SLC35H1: variants seen among roughly 807,000 people sequenced by gnomAD.
The protein encoded by SLC35H1 is solute carrier family 35 member H1.
the SLC35H1 span, among the ~76,000 whole-genome samples, chr20:46,363,326 A>G: frequency 6.6e-6 from 1 of 152,194 alleles, no homozygotes; most frequent in Non-Finnish European, 1.5e-5. Context: ...AATGATTTCT[A>G]AATTCTTTAC....
At chr20:46,353,031 A>T in the SLC35H1 span, 1 of 152,194 alleles carries the variant, frequency 6.6e-6, no homozygotes, top group Non-Finnish European at 1.5e-5. Context: ...GCCCCAGCCC[A>T]CTCAGGGAAC....
the SLC35H1 span, among the ~76,000 whole-genome samples, chr20:46,357,964 G>C: frequency 6.6e-6 from 1 of 152,156 alleles, no homozygotes. Context: ...ACGAAGACAG[G>C]TGGCAGCCAA....
At chr20:46,361,354 T>C in the SLC35H1 span, among the ~76,000 whole-genome samples, 71 of 152,320 alleles carry the variant, frequency 4.7e-4, 1 homozygote, top group South Asian at 2.7e-3. Context: ...ATCCCAAATA[T>C]GAGCACATGT....
chr20:46,350,968 C>A, the SLC35H1 span: 1 of 1,556,202 alleles, frequency 6.4e-7, no homozygotes. Flanking sequence ...AAGGTGGGGG[C>A]ACTAGGTACA....
At chr20:46,357,361 T>C in the SLC35H1 span, among the ~76,000 whole-genome samples, 1 of 152,126 alleles carries the variant, frequency 6.6e-6, no homozygotes, top group South Asian at 2.1e-4. Context: ...CCAGGCTCGG[T>C]GTCTGCTGGC....
the SLC35H1 span, chr20:46,357,484 G>T: frequency 6.6e-5 from 70 of 1,067,588 alleles, no homozygotes; most frequent in Non-Finnish European, 8.9e-5. Context: ...TGGGAGGCCA[G>T]GTCAAGAGGG....
the SLC35H1 span, among the ~76,000 whole-genome samples, chr20:46,361,645 C>T: frequency 1.3e-5 from 2 of 152,192 alleles, no homozygotes; most frequent in African/African-American, 4.8e-5. Context: ...ACATCCCTGG[C>T]CCATACCCAC....
the SLC35H1 span, chr20:46,352,553 GGAT>G: frequency 1.2e-5 from 3 of 254,804 alleles, no homozygotes; most frequent in African/African-American, 6.7e-5. Flanking sequence ...GATCCTAGCG[GGAT>G]GATGGGGATC....
At chr20:46,358,758 G>A in the SLC35H1 span, 5 of 1,531,692 alleles carry the variant, frequency 3.3e-6, no homozygotes, top group East Asian at 7.3e-5. Flanking sequence ...CAGGTCCCAA[G>A]GTCTGCTGCT....
the SLC35H1 span, chr20:46,351,929 G>A: frequency 9.6e-7 from 1 of 1,043,302 alleles, no homozygotes; most frequent in Non-Finnish European, 1.4e-6. Flanking sequence ...GCACCTAATG[G>A]GGCACTTCCT....
At chr20:46,355,050 G>A in the SLC35H1 span, 2 of 1,613,804 alleles carry the variant, frequency 1.2e-6, no homozygotes, top group South Asian at 2.2e-5. This position sits in a 1 kb window ranked among gnomAD's most constrained non-coding sequence, Gnocchi z 4.8. Flanking sequence ...CCTCTCTCTG[G>A]AGGATGAGTG....
the SLC35H1 span, chr20:46,350,912 G>A: frequency 1.2e-6 from 2 of 1,613,070 alleles, no homozygotes; most frequent in East Asian, 2.2e-5. Context: ...GAAGCAGGAG[G>A]GAGCATGATC....
the SLC35H1 span, chr20:46,357,525 G>A: frequency 7.2e-6 from 10 of 1,391,766 alleles, no homozygotes; most frequent in Non-Finnish European, 9.9e-6. Context: ...AAGAGGGGAG[G>A]GACTTGGCTT....
the SLC35H1 span, among the ~76,000 whole-genome samples, chr20:46,361,866 A>C: frequency 1.3e-5 from 2 of 152,120 alleles, no homozygotes. Flanking sequence ...GTGGCTTCCA[A>C]GCCAGGGAAG....
At chr20:46,359,042 C>T in the SLC35H1 span, 1 of 438,760 alleles carries the variant, frequency 2.3e-6, no homozygotes, top group South Asian at 2.2e-5. Flanking sequence ...AAGACCAGCA[C>T]CCTTCTTTCG....
At chr20:46,359,810 C>T in the SLC35H1 span, among the ~76,000 whole-genome samples, 1 of 152,212 alleles carries the variant, frequency 6.6e-6, no homozygotes, top group African/African-American at 2.4e-5. Flanking sequence ...ATTGAAACGC[C>T]ACCTTCTTCT....
chr20:46,358,418 C>T, the SLC35H1 span: 1 of 1,614,168 alleles, frequency 6.2e-7, no homozygotes, highest in Non-Finnish European at 8.5e-7. Flanking sequence ...GAAGGTGATG[C>T]CGATGGAGAA....
At chr20:46,358,783 G>C in the SLC35H1 span, 1 of 1,403,318 alleles carries the variant, frequency 7.1e-7, no homozygotes, top group Non-Finnish European at 9.8e-7. Context: ...AAAAAGGGCC[G>C]CTCTGGAGCC....
chr20:46,357,605 C>T, the SLC35H1 span: 1 of 1,609,812 alleles, frequency 6.2e-7, no homozygotes, highest in Non-Finnish European at 8.5e-7. Flanking sequence ...TCTGCCCTCA[C>T]TGAGGTCCCC....
Sources: gnomAD v4.1 joint callset for allele counts (sites outside exome capture counted in the v4.1 genomes callset) on GRCh38, gnomAD v4.1.1 for gene constraint, Gnocchi (gnomAD v3.1) non-coding constraint, MANE v1.5 for transcripts, NCBI Gene and HGNC (gene_info 2026-07-23, HGNC 2026-07-21) for gene names.